The following TMEM132B variants were observed in gnomAD, a reference collection of about 807,000 sequenced individuals.
TMEM132B encodes transmembrane protein 132B.
A neutral mutation model predicts 90.8 loss-of-function variants in TMEM132B; 18 were observed. That is an observed-to-expected ratio of 0.20 (90% CI 0.14 to 0.29). The LOEUF is 0.29. Ranked by LOEUF, TMEM132B falls within the 10% of genes least tolerant of loss-of-function variation. The pLI, the probability that TMEM132B is intolerant of heterozygous loss-of-function variation, is 1.00. For synonymous variants in TMEM132B, 504 were observed against 523.3 expected (o/e 0.96, Z 0.50); for missense variants, 1,096 against 1,326.8 (o/e 0.83, Z 2.70).
chr12:125,464,739 A>G (rs532928860), intron 3 of TMEM132B, among the ~76,000 whole-genome samples: 5 of 152,338 alleles, frequency 3.3e-5, no homozygotes, highest in South Asian at 2.1e-4. Context: ...AAGTTACTCA[A>G]TTGCCCTGAG....
chr12:125,259,805 C>T (rs144552790), intron 1 of TMEM132B, among the ~76,000 whole-genome samples: 81 of 152,176 alleles, frequency 5.3e-4, no homozygotes, highest in African/African-American at 1.7e-3. Flanking sequence ...TTTATGAGAA[C>T]GCGCATACTG....
At chr12:125,375,088 C>T (rs1878434178) in intron 2 of TMEM132B, among the ~76,000 whole-genome samples, 2 of 152,164 alleles carry the variant, frequency 1.3e-5, no homozygotes, top group Non-Finnish European at 2.9e-5. Context: ...GAAATTGTGT[C>T]AGAAATTGTA....
chr12:125,423,358 C>T (rs1178946161), intron 3 of TMEM132B, among the ~76,000 whole-genome samples: 1 of 152,108 alleles, frequency 6.6e-6, no homozygotes, highest in Admixed American at 6.5e-5. Flanking sequence ...TAGGGAAATG[C>T]GTCGTGCACA....
At chr12:125,594,036 G>C (rs1373904800) in intron 5 of TMEM132B, among the ~76,000 whole-genome samples, 3 of 152,092 alleles carry the variant, frequency 2.0e-5, no homozygotes. Flanking sequence ...CTTTCTTCAT[G>C]TCCCTTTATA....
intron 1 of TMEM132B, among the ~76,000 whole-genome samples, chr12:125,315,301 T>G (rs952296539): frequency 2.0e-5 from 3 of 152,176 alleles, no homozygotes; most frequent in Non-Finnish European, 4.4e-5. Context: ...CAGGCTCAAG[T>G]GATTCTCCTG....
intron 1 of TMEM132B, among the ~76,000 whole-genome samples, chr12:125,266,514 C>T (rs945659116): frequency 2.6e-5 from 4 of 152,170 alleles, no homozygotes. Flanking sequence ...TGGAAACACA[C>T]AGAATGGCAT....
At chr12:125,266,238 A>C (rs1874692259) in intron 1 of TMEM132B, among the ~76,000 whole-genome samples, 1 of 152,174 alleles carries the variant, frequency 6.6e-6, no homozygotes, top group Non-Finnish European at 1.5e-5. Flanking sequence ...AGAAAAACCC[A>C]AAATTAAAAA....
At chr12:125,648,397 G>A (rs1397483081) in intron 6 of TMEM132B, among the ~76,000 whole-genome samples, 4 of 152,108 alleles carry the variant, frequency 2.6e-5, no homozygotes, top group Non-Finnish European at 5.9e-5. Context: ...GGTATCATTA[G>A]ACTGTAATAA....
intron 1 of TMEM132B, among the ~76,000 whole-genome samples, chr12:125,273,778 G>A (rs1874911998): frequency 1.3e-5 from 2 of 152,032 alleles, no homozygotes; most frequent in Admixed American, 6.6e-5. Context: ...TGATTCTCCC[G>A]CCTCAGCTTC....
intron 1 of TMEM132B, among the ~76,000 whole-genome samples, chr12:125,247,377 G>A (rs967166199): frequency 3.9e-5 from 6 of 152,106 alleles, no homozygotes; most frequent in Admixed American, 6.5e-5. Flanking sequence ...ACAGGTTCTG[G>A]GGGATCTTTG....
chr12:125,409,196 C>T (rs1238231254), intron 2 of TMEM132B, among the ~76,000 whole-genome samples: 1 of 152,126 alleles, frequency 6.6e-6, no homozygotes, highest in Admixed American at 6.5e-5. Context: ...TGGAGAGTTG[C>T]TGGGCCCTAG....
chr12:125,229,326 T>C (rs1403286738), intron 1 of TMEM132B, among the ~76,000 whole-genome samples: 2 of 152,206 alleles, frequency 1.3e-5, no homozygotes, highest in Non-Finnish European at 2.9e-5. Flanking sequence ...GGCACTTTAC[T>C]ACATTAGAGC....
chr12:125,368,182 G>A (rs1251155155), intron 2 of TMEM132B, among the ~76,000 whole-genome samples: 1 of 151,752 alleles, frequency 6.6e-6, no homozygotes, highest in East Asian at 1.9e-4. Flanking sequence ...TTTTGTTTTG[G>A]CACTTTTAAG....
intron 3 of TMEM132B, among the ~76,000 whole-genome samples, chr12:125,432,276 A>G (rs1880531391): frequency 6.7e-6 from 1 of 149,356 alleles, no homozygotes; most frequent in Admixed American, 6.7e-5. Flanking sequence ...GAACATAACC[A>G]CTGTAATCAC....
chr12:125,280,730 G>C (rs912258280), intron 1 of TMEM132B, among the ~76,000 whole-genome samples: 1 of 152,244 alleles, frequency 6.6e-6, no homozygotes, highest in African/African-American at 2.4e-5. Context: ...GAGTCCTACT[G>C]TGCGTCCTCA....
chr12:125,488,280 A>G (rs1472163728), intron 3 of TMEM132B, among the ~76,000 whole-genome samples: 1 of 152,238 alleles, frequency 6.6e-6, no homozygotes, highest in Admixed American at 6.5e-5. Context: ...CATGGAAAAG[A>G]AATGGGTCAT....
chr12:125,336,059 A>G (rs558263388), intron 1 of TMEM132B, among the ~76,000 whole-genome samples: 2 of 152,328 alleles, frequency 1.3e-5, no homozygotes, highest in African/African-American at 2.4e-5. Flanking sequence ...TGGCAAATGC[A>G]TGGAGTTGTG....
intron 3 of TMEM132B, among the ~76,000 whole-genome samples, chr12:125,424,958 A>T (rs139219112): frequency 2.4e-4 from 36 of 152,234 alleles, no homozygotes; most frequent in African/African-American, 7.2e-4. Flanking sequence ...AGGCAGCCAC[A>T]TATCAGGGGT....
At chr12:125,562,683 T>C (rs1884562754) in intron 4 of TMEM132B, among the ~76,000 whole-genome samples, 2 of 151,806 alleles carry the variant, frequency 1.3e-5, no homozygotes, top group Non-Finnish European at 2.9e-5. Context: ...TGGGAGGTAA[T>C]TGAATCACTA....
Sources: gnomAD v4.1 joint callset for allele counts (sites outside exome capture counted in the v4.1 genomes callset) on GRCh38, gnomAD v4.1.1 for gene constraint, MANE v1.5 for transcripts, NCBI Gene and HGNC (gene_info 2026-07-23, HGNC 2026-07-21) for gene names.